The following TRPC4 variants were observed in gnomAD, a reference collection of about 807,000 sequenced individuals.
The protein encoded by TRPC4 is short transient receptor potential channel 4.
Under a neutral mutation model 99.4 loss-of-function variants are expected in TRPC4, and 49 were observed. The observed-to-expected ratio is 0.49, with a 90% CI of 0.39 to 0.63. The LOEUF (loss-of-function observed/expected upper bound fraction) is 0.63, where lower values mean the gene tolerates loss of function less well. Ranked by LOEUF, TRPC4 falls within the 20% of genes least tolerant of loss-of-function variation. The pLI, the probability that TRPC4 is intolerant of heterozygous loss-of-function variation, is 0.00. For synonymous variants in TRPC4, 454 were observed against 425.9 expected, an observed-to-expected ratio of 1.07 and a Z score of -0.81; for missense variants, 898 against 1,152.9, an observed-to-expected ratio of 0.78 and a Z score of 3.20.
At chr13:37,663,836 A>G in intron 5 of TRPC4, 107 bp from the exon 6 acceptor site, 2 of 1,089,860 alleles carry the variant, frequency 1.8e-6, no homozygotes, top group Non-Finnish European at 1.3e-6. Flanking sequence ...AAAATAATTG[A>G]TGACTTTGTT....
chr13:37,652,317 G>A (rs1399013516), intron 7 of TRPC4, among the ~76,000 whole-genome samples: 3 of 152,158 alleles, frequency 2.0e-5, no homozygotes, highest in East Asian at 3.8e-4. Context: ...TCATAAACAC[G>A]AACTCATATT....
At chr13:37,725,150 A>G (rs963659890) in intron 3 of TRPC4, among the ~76,000 whole-genome samples, 2 of 152,184 alleles carry the variant, frequency 1.3e-5, no homozygotes, top group Non-Finnish European at 2.9e-5. Flanking sequence ...TGAAGAAAAA[A>G]TTAGTGAACT....
chr13:37,799,101 T>G (rs558661166), intron 1 of TRPC4, among the ~76,000 whole-genome samples: 3 of 152,032 alleles, frequency 2.0e-5, no homozygotes, highest in Non-Finnish European at 2.9e-5. Context: ...CCAGCTAATT[T>G]TTTTTTGTAT....
At chr13:37,716,089 C>G (rs1954653314) in intron 3 of TRPC4, among the ~76,000 whole-genome samples, 1 of 143,354 alleles carries the variant, frequency 7.0e-6, no homozygotes, top group African/African-American at 2.5e-5. Flanking sequence ...TTTTTACAGA[C>G]TAAGAGAAAC....
chr13:37,673,540 GA>G (rs558211117), intron 5 of TRPC4, among the ~76,000 whole-genome samples: 38 of 151,840 alleles, frequency 2.5e-4, no homozygotes, highest in African/African-American at 8.9e-4. Flanking sequence ...AGGAAAGGGG[GA>G]AAAGGAAAAT....
intron 2 of TRPC4, among the ~76,000 whole-genome samples, chr13:37,767,257 A>G (rs1489817331): frequency 1.3e-5 from 2 of 151,248 alleles, no homozygotes; most frequent in Admixed American, 6.6e-5. Context: ...TCTATTGCTT[A>G]AAGATTTTTA....
chr13:37,790,836 G>C (rs1339200686), intron 1 of TRPC4, among the ~76,000 whole-genome samples: 1 of 152,018 alleles, frequency 6.6e-6, no homozygotes, highest in Non-Finnish European at 1.5e-5. Flanking sequence ...CTTTGCTTTA[G>C]TAGGAGTTTG....
At chr13:37,759,789 GTATTTA>G (rs1266653953) in intron 2 of TRPC4, among the ~76,000 whole-genome samples, 1 of 151,934 alleles carries the variant, frequency 6.6e-6, no homozygotes, top group Non-Finnish European at 1.5e-5. Context: ...AGAGTATGCA[GTATTTA>G]TACAAATTTC....
At chr13:37,790,621 T>C (rs982849703) in intron 1 of TRPC4, among the ~76,000 whole-genome samples, 1 of 152,186 alleles carries the variant, frequency 6.6e-6, no homozygotes, top group Non-Finnish European at 1.5e-5. Context: ...TTCAGAAGTC[T>C]CTTTTTGCTA....
intron 2 of TRPC4, among the ~76,000 whole-genome samples, chr13:37,780,973 C>A (rs570509747): frequency 6.6e-6 from 1 of 152,100 alleles, no homozygotes; most frequent in South Asian, 2.1e-4. Context: ...AGACTCCTGG[C>A]AGATGGCAAA....
In TRPC4 at chr13:37,746,195, G is replaced by A; in HGVS notation, c.639C>T (p.Ser213=). The A allele has an allele frequency of 6.2e-7, 1 of 1,613,754 alleles. No individual in the cohort carries two copies. The highest frequency in any genetic ancestry group is 8.5e-7 in the Non-Finnish European group (1 of 1,179,852). ...GAAAGGCTGTGAGAAAAGGATCTTC[G>A]CTTGACAGTGCAATGAGAGAGGGAC... ...LASPSLIALS[S]EDPFLTAFQL... is the part of the protein sequence containing the mutation. Residue 213 remains serine (S), a synonymous_variant, in exon 3 of 11, where the codon AGC becomes AGT. Coordinates refer to ENST00000379705, the MANE Select transcript of TRPC4 (RefSeq NM_016179.4).
At chr13:37,699,931 G>A (rs1435786542) in intron 3 of TRPC4, among the ~76,000 whole-genome samples, 1 of 140,074 alleles carries the variant, frequency 7.1e-6, no homozygotes, top group South Asian at 2.3e-4. Flanking sequence ...CTGAAAATGA[G>A]AAAGGCAAAG....
chr13:37,786,917 A>G (rs1171295284), intron 1 of TRPC4, among the ~76,000 whole-genome samples: 1 of 152,080 alleles, frequency 6.6e-6, no homozygotes, highest in African/African-American at 2.4e-5. Context: ...GTTGAGGATT[A>G]AAAAGAAACA....
intron 3 of TRPC4, among the ~76,000 whole-genome samples, chr13:37,739,436 G>C (rs1165843819): frequency 2.6e-5 from 4 of 151,720 alleles, no homozygotes; most frequent in Admixed American, 2.6e-4. Context: ...GTTTCTCTCA[G>C]TAATCTCTTT....
intron 1 of TRPC4, among the ~76,000 whole-genome samples, chr13:37,808,044 A>G (rs1260949876): frequency 2.0e-5 from 3 of 151,966 alleles, no homozygotes; most frequent in Non-Finnish European, 4.4e-5. Flanking sequence ...TTGTTTTCCT[A>G]TATCTTATTT....
At chr13:37,751,832 C>G (rs534209914) in intron 2 of TRPC4, among the ~76,000 whole-genome samples, 1 of 151,694 alleles carries the variant, frequency 6.6e-6, no homozygotes, top group African/African-American at 2.4e-5. Context: ...TCCTGTATCT[C>G]CCAAGCAAAG....
chr13:37,788,018 A>C (rs1957015740), intron 1 of TRPC4, among the ~76,000 whole-genome samples: 1 of 152,104 alleles, frequency 6.6e-6, no homozygotes, highest in African/African-American at 2.4e-5. Flanking sequence ...TTTTTACCTC[A>C]TGGGATTGAG....
At chr13:37,792,352 C>T (rs924409499) in intron 1 of TRPC4, among the ~76,000 whole-genome samples, 2 of 151,908 alleles carry the variant, frequency 1.3e-5, no homozygotes, top group African/African-American at 4.8e-5. Flanking sequence ...TCCCCTAGCC[C>T]CTATTATTTG....
At chr13:37,742,006 T>G (rs1955606345) in intron 3 of TRPC4, among the ~76,000 whole-genome samples, 4 of 152,032 alleles carry the variant, frequency 2.6e-5, no homozygotes, top group Admixed American at 2.6e-4. Flanking sequence ...ATAAACCATG[T>G]AAACAACTTA....
Sources: gnomAD v4.1 joint callset for allele counts (sites outside exome capture counted in the v4.1 genomes callset) on GRCh38, gnomAD v4.1.1 for gene constraint, MANE v1.5 for transcripts, NCBI Gene and HGNC (gene_info 2026-07-23, HGNC 2026-07-21) for gene names.